Variants in FREM1 observed in about 807,000 individuals in gnomAD.
FREM1 encodes FRAS1 related extracellular matrix 1.
Under a neutral mutation model 210.1 loss-of-function variants are expected in FREM1, and 220 were observed. The observed-to-expected ratio is 1.05, with a 90% CI of 0.94 to 1.17. The LOEUF (loss-of-function observed/expected upper bound fraction) is 1.17, where lower values mean the gene tolerates loss of function less well. Among genes scored for constraint, FREM1 ranks in the 50% most tolerant of loss-of-function variants. The probability of loss-of-function intolerance (pLI) is 0.00; values close to 1 mark genes in which losing one functional copy is unlikely to be tolerated. For synonymous variants in FREM1, 1,189 were observed against 980.2 expected (o/e 1.21, Z -3.98); for missense variants, 3,454 against 2,675.5 (o/e 1.29, Z -6.42).
intron 4 of FREM1, 66 bp downstream of exon 4, chr9:14,859,117 G>A (rs961180556): frequency 8.5e-6 from 11 of 1,291,760 alleles, no homozygotes; most frequent in Middle Eastern, 1.9e-4. Context: ...ATGGTGGAAG[G>A]TGAGCATGCA....
intron 21 of FREM1, among the ~76,000 whole-genome samples, chr9:14,794,175 G>C (rs940942594): frequency 6.6e-6 from 1 of 152,188 alleles, no homozygotes; most frequent in Admixed American, 6.5e-5. Context: ...CTAGGACAAG[G>C]AAGGTAATTT....
At chr9:14,753,585 A>G (rs1475059132) in intron 29 of FREM1, among the ~76,000 whole-genome samples, 3 of 152,116 alleles carry the variant, frequency 2.0e-5, no homozygotes, top group Non-Finnish European at 4.4e-5. Context: ...GAGTTCTCAA[A>G]CCTTACGGCA....
At chr9:14,779,837 G>A (rs1248837934) in intron 24 of FREM1, among the ~76,000 whole-genome samples, 3 of 152,198 alleles carry the variant, frequency 2.0e-5, no homozygotes, top group Non-Finnish European at 4.4e-5. Flanking sequence ...AAAGCTAATA[G>A]GCCAGGGGTG....
Position 14,905,336 on chromosome 9 carries a change from G to A in FREM1, c.-268+4578C>T, listed in dbSNP as rs1478161989. Reference sequence around the variant, plus strand: ...TATGTCCTTCCTTTGGTGATGGTTCGCAGGCTCACTACAGTGCAAGCCCAG... The same window carrying A: ...TATGTCCTTCCTTTGGTGATGGTTCACAGGCTCACTACAGTGCAAGCCCAG... On this transcript the variant is annotated intron_variant, in intron 1 of 36. Coordinates refer to ENST00000380880, the MANE Select transcript of FREM1 (RefSeq NM_001379081.2). Among the ~76,000 whole-genome samples, 16 of 152,132 alleles carry A rather than the reference G, an allele frequency of 1.1e-4. 1 individual carries two copies. The highest frequency in any genetic ancestry group is 9.8e-4 in the Admixed American group (15 of 15,280).
chr9:14,792,655 G>T, intron 22 of FREM1, 88 bp downstream of exon 22: 4 of 1,024,830 alleles, frequency 3.9e-6, no homozygotes, highest in Non-Finnish European at 5.5e-6. Context: ...GTCTATCAGA[G>T]AATAAATCCC....
intron 10 of FREM1, among the ~76,000 whole-genome samples, chr9:14,831,332 T>A (rs1315161457): frequency 6.6e-6 from 1 of 152,244 alleles, no homozygotes; most frequent in African/African-American, 2.4e-5. Context: ...GGAACAAAGT[T>A]ACAGCGAGGT....
intron 24 of FREM1, chr9:14,782,349 C>T: frequency 1.0e-6 from 1 of 983,036 alleles, no homozygotes; most frequent in African/African-American, 1.7e-5. Context: ...GTTCTTTATT[C>T]TCACCATTCG....
chr9:14,908,947 A>T (rs1436716180), intron 1 of FREM1, among the ~76,000 whole-genome samples: 1 of 152,190 alleles, frequency 6.6e-6, no homozygotes, highest in Non-Finnish European at 1.5e-5. Context: ...CACCTTTATC[A>T]AATGTAAGCA....
intron 18 of FREM1, among the ~76,000 whole-genome samples, chr9:14,806,344 C>G (rs12336864): frequency 0.05 from 7,599 of 151,140 alleles, 270 homozygotes; most frequent in South Asian, 0.087. Flanking sequence ...CAACCTCTGC[C>G]TCCTGGTTTC....
intron 36 of FREM1, 38 bp downstream of exon 36, chr9:14,740,111 C>T: frequency 1.5e-6 from 2 of 1,371,506 alleles, no homozygotes; most frequent in Admixed American, 1.8e-5. Context: ...CATGTCCTTG[C>T]CTCCCTCCTC....
intron 1 of FREM1, among the ~76,000 whole-genome samples, chr9:14,888,315 T>C (rs1836179665): frequency 6.6e-6 from 1 of 152,212 alleles, no homozygotes; most frequent in African/African-American, 2.4e-5. Flanking sequence ...CCAAAACCCT[T>C]GCCCTTAACC....
chr9:14,895,039 T>C (rs1182948790), intron 1 of FREM1, among the ~76,000 whole-genome samples: 2 of 152,194 alleles, frequency 1.3e-5, no homozygotes, highest in Non-Finnish European at 2.9e-5. Context: ...AGAATGTCAC[T>C]TTCTGACAGG....
At chr9:14,892,750 A>G (rs1837063588) in intron 1 of FREM1, among the ~76,000 whole-genome samples, 1 of 152,028 alleles carries the variant, frequency 6.6e-6, no homozygotes, top group African/African-American at 2.4e-5. Flanking sequence ...TGCCGCCTGA[A>G]CTTTTCAGTG....
intron 25 of FREM1, 48 bp from the exon 26 acceptor site, chr9:14,770,854 C>A (rs1847441178): frequency 7.1e-7 from 1 of 1,399,212 alleles, no homozygotes; most frequent in South Asian, 1.2e-5. Context: ...GCCCCTCACC[C>A]CCATGCAACG....
At position 14,801,795 on chromosome 9, in the gene FREM1, A is replaced by G; in HGVS notation, c.3551T>C (p.Leu1184Pro). ...GCGTGGCTTTTGAGTGATGCTGAACAGCAGGGCATCCTGGGGAATGTCCAG... is the reference window on the plus strand; with the variant it reads ...GCGTGGCTTTTGAGTGATGCTGAACGGCAGGGCATCCTGGGGAATGTCCAG... ...VDLDIPQDAL[L>P]FSITQKPRHG... The change falls in exon 20 of 37, where the codon CTG becomes CCG. Residue 1184 changes from leucine to proline, a missense_variant. Leu to Pro is a moderately conservative substitution (Grantham distance 98). Coordinates refer to ENST00000380880, the MANE Select transcript of FREM1 (RefSeq NM_001379081.2). The G allele has an allele frequency of 6.2e-7, 1 of 1,614,008 alleles. No homozygotes were observed. Among genetic ancestry groups the G allele is most frequent in the Non-Finnish European group, 8.5e-7 (1 of 1,179,888 alleles).
At chr9:14,823,114 C>T (rs1821682416) in intron 13 of FREM1, 46 bp downstream of exon 13, 2 of 1,467,924 alleles carry the variant, frequency 1.4e-6, no homozygotes, top group African/African-American at 1.4e-5. Flanking sequence ...CAAGTCTCTC[C>T]TTTCTTTTCC....
At chr9:14,790,846 C>T (rs555975697) in intron 22 of FREM1, 1 of 152,290 alleles carries the variant, frequency 6.6e-6, no homozygotes, top group South Asian at 2.1e-4. Context: ...CAAAACAGTT[C>T]CGTTCCCAAG....
chr9:14,788,899 C>G lies in FREM1; in HGVS notation c.4177+20G>C, dbSNP rs780923991. On this transcript the variant is annotated intron_variant, in intron 23 of 36. Transcript: ENST00000380880. The stretch of plus-strand genomic sequence containing the variant: ...GTTAGCAAAGTTGATCCCAGTAAAC[C>G]TTGGTAGACGTGCTTTTACCTTTTT... 6.9e-6 allele frequency: 11 copies of G among 1,598,098 alleles called. No homozygotes were observed. Among genetic ancestry groups the G allele is most frequent in the African/African-American group, 6.7e-5 (5 of 74,610 alleles).
At chr9:14,837,316 G>A (rs1014758141) in intron 10 of FREM1, among the ~76,000 whole-genome samples, 4 of 151,996 alleles carry the variant, frequency 2.6e-5, no homozygotes, top group Non-Finnish European at 5.9e-5. Context: ...CCATACTTGG[G>A]GACCTCCTCT....
Sources: gnomAD v4.1 joint callset for allele counts (sites outside exome capture counted in the v4.1 genomes callset) on GRCh38, gnomAD v4.1.1 for gene constraint, MANE v1.5 for transcripts, NCBI Gene and HGNC (gene_info 2026-07-23, HGNC 2026-07-21) for gene names.